TMTC1: variants seen among roughly 807,000 people sequenced by gnomAD.
TMTC1 encodes protein O-mannosyl-transferase TMTC1.
In TMTC1, 73 loss-of-function variants were observed where a neutral mutation model predicts 104.8. The ratio of observed to expected loss-of-function variants is 0.70; its 90% confidence interval spans 0.58 to 0.85. The LOEUF (loss-of-function observed/expected upper bound fraction) is 0.85, where lower values mean the gene tolerates loss of function less well. Among genes scored for constraint, TMTC1 ranks in the 40% least tolerant of loss-of-function variants. TMTC1 has a pLI of 0.00. For missense variants in TMTC1, 1,035 were observed against 1,096.1 expected (o/e 0.94, Z 0.79); for synonymous variants, 434 against 428.7 (o/e 1.01, Z -0.15).
intron 10 of TMTC1, among the ~76,000 whole-genome samples, chr12:29,555,548 C>A (rs1275242215): frequency 6.6e-6 from 1 of 151,902 alleles, no homozygotes. Flanking sequence ...TTGTTCAACT[C>A]CCAATTATGA....
intron 6 of TMTC1, among the ~76,000 whole-genome samples, chr12:29,628,091 T>C (rs1472897061): frequency 6.6e-6 from 1 of 152,248 alleles, no homozygotes; most frequent in Non-Finnish European, 1.5e-5. Context: ...TTATAAATAA[T>C]GGACTTCAAC....
rs879602127 is a variant in TMTC1, at chr12:29,725,011, G to GTTTTT, written c.938+26654_938+26655insAAAAA. ...CGTAGTTTAGCTATATATCTGCCAA[G>GTTTTT]TTCTTTTTTTTTTTTTTTTTTTTTT... On this transcript the variant is annotated intron_variant, in intron 5 of 17. Transcript: ENST00000539277. 9.9e-3 allele frequency among the ~76,000 whole-genome samples: 1,140 copies of GTTTTT among 115,564 alleles called. 160 individuals are homozygous for GTTTTT. The highest frequency in any genetic ancestry group is 0.015 in the Non-Finnish European group (843 of 57,760). The allele number at this position is 115,564 out of a possible 152,430, so 75.8% of individuals were successfully genotyped here.
At chr12:29,717,329 G>T (rs1160292529) in intron 5 of TMTC1, among the ~76,000 whole-genome samples, 1 of 152,136 alleles carries the variant, frequency 6.6e-6, no homozygotes. Context: ...AAAGAGCACT[G>T]CCCTGGACTA....
chr12:29,615,972 C>G (rs1013106257), intron 6 of TMTC1, among the ~76,000 whole-genome samples: 1 of 152,124 alleles, frequency 6.6e-6, no homozygotes. Flanking sequence ...TCCCAAAGCA[C>G]GTTGCAAGAA....
rs948263409 is a variant in TMTC1, at chr12:29,684,135, C to A, written c.939-50799G>T. Among the ~76,000 whole-genome samples the A allele has an allele frequency of 3.3e-5, 5 of 152,188 alleles. No individual in the cohort carries two copies. In the East Asian group the frequency reaches 7.7e-4, roughly 23 times the overall value. ...CTGCGATTACAGGCATGAGCCCCTG[C>A]GTCCAACCCTTCCTATCACTTCGAA... is the stretch of plus-strand genomic sequence containing the variant. On this transcript the variant is annotated intron_variant, in intron 5 of 17. Coordinates refer to ENST00000539277, the MANE Select transcript of TMTC1 (RefSeq NM_001193451.2).
intron 6 of TMTC1, among the ~76,000 whole-genome samples, chr12:29,611,645 TG>T (rs1946849361): frequency 6.6e-6 from 1 of 152,230 alleles, no homozygotes; most frequent in African/African-American, 2.4e-5. Context: ...TTTATTTTTG[TG>T]GTTCTGAACA....
At chr12:29,519,055 T>C (rs1391424541) in intron 12 of TMTC1, among the ~76,000 whole-genome samples, 2 of 152,160 alleles carry the variant, frequency 1.3e-5, no homozygotes, top group Non-Finnish European at 2.9e-5. Flanking sequence ...TACTTCAACA[T>C]AGCAATTGAA....
At chr12:29,575,590 G>A (rs1945800246) in intron 8 of TMTC1, among the ~76,000 whole-genome samples, 1 of 151,156 alleles carries the variant, frequency 6.6e-6, no homozygotes, top group Admixed American at 6.6e-5. Context: ...CTCCAGAGGA[G>A]GGATCTGATG....
intron 12 of TMTC1, among the ~76,000 whole-genome samples, chr12:29,519,061 T>C (rs182947082): frequency 1.3e-5 from 2 of 152,278 alleles, no homozygotes; most frequent in Admixed American, 6.5e-5. Flanking sequence ...AACATAGCAA[T>C]TGAAGCATTA....
chr12:29,585,850 T>C (rs2136337942), intron 7 of TMTC1, among the ~76,000 whole-genome samples: 1 of 152,252 alleles, frequency 6.6e-6, no homozygotes. Context: ...AGGCTTGTAG[T>C]ATAGTTTGAA....
At chr12:29,779,354 C>G (rs1257284021) in intron 1 of TMTC1, among the ~76,000 whole-genome samples, 2 of 152,236 alleles carry the variant, frequency 1.3e-5, no homozygotes, top group African/African-American at 4.8e-5. Flanking sequence ...ATAGTCCCAA[C>G]TTAGCTAAAG....
chr12:29,692,689 T>A (rs2136761865), intron 5 of TMTC1, among the ~76,000 whole-genome samples: 1 of 145,552 alleles, frequency 6.9e-6, no homozygotes, highest in Non-Finnish European at 1.5e-5. Context: ...AACACTTATA[T>A]GTGAATGTAT....
intron 9 of TMTC1, among the ~76,000 whole-genome samples, chr12:29,570,244 A>G (rs1945630545): frequency 6.6e-6 from 1 of 152,242 alleles, no homozygotes; most frequent in African/African-American, 2.4e-5. Context: ...CTTTTAAAAA[A>G]TGACATTTCC....
rs1236016596 is a variant in TMTC1 at position 29,644,145 on chromosome 12, GTGTGTATATA to G, written c.939-10819_939-10810del. 2.4e-3 allele frequency among the ~76,000 whole-genome samples: 184 copies of G among 76,902 alleles called. 3 individuals carry two copies. Among genetic ancestry groups the G allele is most frequent in the Middle Eastern group, 0.019 (3 of 158 alleles). 50.5% of individuals were successfully genotyped at this position (76,902 alleles called of 152,430 possible). A position where few individuals can be genotyped will look rare whatever the true frequency, so the allele number is the denominator to read the frequency against. On this transcript the variant is annotated intron_variant, in intron 5 of 17. Transcript: ENST00000539277. Reference sequence around the variant, plus strand: ...TGTGTGTGTGTGTGTGTGTGTGTGTGTGTGTATATATATATATAATGAAATACTAAACAGC... The same window carrying G: ...TGTGTGTGTGTGTGTGTGTGTGTGTGTATATATAATGAAATACTAAACAGC...
rs542595252 is a variant in TMTC1, at chr12:29,542,341, G to A, written c.1677-6024C>T. Among the ~76,000 whole-genome samples the A allele has an allele frequency of 3.9e-5, 6 of 152,226 alleles. No homozygotes were observed. The South Asian group carries it at 6.3e-4, about 16-fold the overall frequency. ...TCAACCGGCACTGATGGAACTCTTGGGGATCCCTGCATAGGTAAAAAGTGC... is the reference window on the plus strand; with the variant it reads ...TCAACCGGCACTGATGGAACTCTTGAGGATCCCTGCATAGGTAAAAAGTGC... On this transcript the variant is annotated intron_variant, in intron 10 of 17. Transcript: ENST00000539277.
chr12:29,684,026 T>C (rs948315694), intron 5 of TMTC1, among the ~76,000 whole-genome samples: 10 of 152,114 alleles, frequency 6.6e-5, no homozygotes, highest in Admixed American at 5.2e-4. Flanking sequence ...TATATTTTCA[T>C]AGAGACAGGG....
At chr12:29,528,292 C>A (rs2136181575) in intron 11 of TMTC1, among the ~76,000 whole-genome samples, 1 of 152,228 alleles carries the variant, frequency 6.6e-6, no homozygotes. Context: ...ATTTATAGGA[C>A]AACTTTAATT....
At position 29,520,643 on chromosome 12, in the gene TMTC1, G is replaced by A. The variant is rs756145163; in HGVS notation, c.1863C>T (p.Asn621=). Residue 621 remains asparagine, a synonymous_variant, in exon 12 of 18, where the codon AAC becomes AAT. Coordinates refer to ENST00000539277, the MANE Select transcript of TMTC1 (RefSeq NM_001193451.2). ...CAGTATCAACTAAGAAAACCCCATA[G>A]TTGTTGTGTAAATCTGAGCTGTCTG... The part of the protein sequence containing the change: ...NCPDSSDLHN[N]YGVFLVDTGL... 5.6e-6 allele frequency: 9 copies of A among 1,613,440 alleles called. No homozygotes were observed. In the South Asian group the frequency reaches 7.7e-5, roughly 14 times the overall value.
intron 1 of TMTC1, among the ~76,000 whole-genome samples, chr12:29,776,288 G>A (rs1943705292): frequency 6.6e-6 from 1 of 152,172 alleles, no homozygotes; most frequent in Non-Finnish European, 1.5e-5. Context: ...TCTACACAGA[G>A]TTACAGTTCC....
Sources: allele counts gnomAD v4.1 joint callset (sites outside exome capture counted in the v4.1 genomes callset), GRCh38; gene constraint gnomAD v4.1.1; transcripts MANE v1.5; gene names NCBI Gene and HGNC (gene_info 2026-07-23, HGNC 2026-07-21).